Variants in CELF2 observed in about 807,000 individuals in gnomAD.
The protein encoded by CELF2 is CUGBP Elav-like family member 2, also known as CUG triplet repeat RNA-binding protein 2.
A neutral mutation model predicts 62.6 loss-of-function variants in CELF2; 8 were observed. The ratio of observed to expected loss-of-function variants is 0.13; its 90% confidence interval spans 0.07 to 0.23. The LOEUF is 0.23. CELF2 is among the 10% of genes least tolerant of loss of function. The pLI is 1.00. For missense variants in CELF2, 333 were observed against 671.0 expected, an observed-to-expected ratio of 0.50 and a Z score of 5.56; for synonymous variants, 258 against 250.0, an observed-to-expected ratio of 1.03 and a Z score of -0.30.
the CELF2 span, among the ~76,000 whole-genome samples, chr10:10,467,215 A>T: frequency 0.33 from 50,706 of 151,938 alleles, 9,107 homozygotes; most frequent in Admixed American, 0.42. Flanking sequence ...TTATAATTTC[A>T]GTGTTCACAC....
the CELF2 span, among the ~76,000 whole-genome samples, chr10:10,664,326 GT>G: frequency 6.6e-6 from 1 of 152,126 alleles, no homozygotes; most frequent in Non-Finnish European, 1.5e-5. Context: ...CAGGGCTCAA[GT>G]TTTTAAAAAT....
At chr10:10,534,564 A>G in the CELF2 span, among the ~76,000 whole-genome samples, 1 of 152,248 alleles carries the variant, frequency 6.6e-6, no homozygotes, top group African/African-American at 2.4e-5. Context: ...AAATCTTATG[A>G]TGGCTTACTA....
At chr10:10,647,427 A>G in the CELF2 span, among the ~76,000 whole-genome samples, 1 of 152,220 alleles carries the variant, frequency 6.6e-6, no homozygotes, top group Non-Finnish European at 1.5e-5. Flanking sequence ...ATGAAAGACA[A>G]TTTGCAAATG....
In CELF2 at chr10:11,300,919, G is replaced by A. The variant is rs547139137; in HGVS notation, c.976+12367G>A. 3.9e-5 allele frequency among the ~76,000 whole-genome samples: 6 copies of A among 152,320 alleles called. No individual in the cohort carries two copies. In the South Asian group the frequency reaches 6.2e-4, roughly 16 times the overall value. On this transcript the variant is annotated intron_variant, in intron 9 of 12. Coordinates refer to ENST00000633077, the MANE Select transcript of CELF2 (RefSeq NM_001326342.2). The surrounding 1 kb of genome is among the most constrained non-coding windows in gnomAD (Gnocchi z 5.5). ...GTGGAAAGTGTTTAACGAGGGCACC[G>A]AAGGCAAATTCTTGCTGTCTTCTGT... is the stretch of plus-strand genomic sequence containing the variant.
intron 8 of CELF2, among the ~76,000 whole-genome samples, chr10:11,277,558 C>T (rs2086625651): frequency 6.6e-6 from 1 of 152,194 alleles, no homozygotes; most frequent in Non-Finnish European, 1.5e-5. Context: ...GATGAGTGAA[C>T]AGATTTCTAA....
At chr10:10,693,558 A>G in the CELF2 span, among the ~76,000 whole-genome samples, 199 of 150,478 alleles carry the variant, frequency 1.3e-3, 1 homozygote, top group Non-Finnish European at 2.5e-3. Flanking sequence ...CTCTTTTTCT[A>G]TTGATTGGAA....
chr10:10,478,513 A>G, the CELF2 span, among the ~76,000 whole-genome samples: 2 of 152,212 alleles, frequency 1.3e-5, no homozygotes, highest in East Asian at 1.9e-4. Context: ...AAAATCAGTA[A>G]TACACGATAA....
chr10:10,477,862 G>A, the CELF2 span, among the ~76,000 whole-genome samples: 1 of 151,824 alleles, frequency 6.6e-6, no homozygotes, highest in Admixed American at 6.6e-5. Flanking sequence ...AAACAATGTA[G>A]CATAGGAATC....
At chr10:10,583,751 A>G in the CELF2 span, among the ~76,000 whole-genome samples, 1 of 152,186 alleles carries the variant, frequency 6.6e-6, no homozygotes, top group Non-Finnish European at 1.5e-5. Context: ...TCACACACCC[A>G]AAGTCAGAAA....
chr10:10,672,410 T>C, the CELF2 span, among the ~76,000 whole-genome samples: 1 of 152,166 alleles, frequency 6.6e-6, no homozygotes, highest in South Asian at 2.1e-4. Flanking sequence ...AGGAGTTTTA[T>C]AATTTTGCAT....
At chr10:10,817,833 G>T (rs2131887845) in intron 1 of CELF2, among the ~76,000 whole-genome samples, 1 of 152,248 alleles carries the variant, frequency 6.6e-6, no homozygotes, top group Middle Eastern at 3.4e-3. Context: ...CTGAACTTTT[G>T]CTCCCTTACT....
chr10:11,139,078 A>G (rs2060886043), intron 1 of CELF2, among the ~76,000 whole-genome samples: 1 of 152,262 alleles, frequency 6.6e-6, no homozygotes, highest in Admixed American at 6.5e-5. Context: ...TTAAGTCATG[A>G]AAGTGAATTA....
chr10:10,953,663 A>G (rs2048561851), intron 2 of CELF2, among the ~76,000 whole-genome samples: 1 of 152,198 alleles, frequency 6.6e-6, no homozygotes, highest in Non-Finnish European at 1.5e-5. Flanking sequence ...GAACCATGGG[A>G]GAATTCTTTC....
intron 1 of CELF2, among the ~76,000 whole-genome samples, chr10:10,912,653 C>T (rs775753935): frequency 6.6e-6 from 1 of 152,214 alleles, no homozygotes; most frequent in Non-Finnish European, 1.5e-5. Context: ...CAGGCGTGTG[C>T]CAGTGCGCCC....
chr10:10,916,899 C>A (rs1454696118), intron 1 of CELF2, among the ~76,000 whole-genome samples: 2 of 151,834 alleles, frequency 1.3e-5, no homozygotes, highest in Non-Finnish European at 2.9e-5. Context: ...AGTCATGAGT[C>A]ACTGCACCCA....
chr10:10,935,169 C>T (rs2066492284), intron 2 of CELF2: 2 of 152,224 alleles, frequency 1.3e-5, no homozygotes, highest in African/African-American at 2.4e-5. Flanking sequence ...GCCTTTCACA[C>T]CTTGGCCTGG....
chr10:10,506,670 A>ATT, the CELF2 span, among the ~76,000 whole-genome samples: 11,835 of 63,444 alleles, frequency 0.19, 3,353 homozygotes, highest in South Asian at 0.21. Flanking sequence ...CCTCCTGTGA[A>ATT]TTTTTTTTTT....
the CELF2 span, among the ~76,000 whole-genome samples, chr10:10,677,680 G>C: frequency 2.5e-4 from 38 of 152,282 alleles, no homozygotes; most frequent in African/African-American, 7.9e-4. Context: ...CCAGTGGTTT[G>C]TTCTCTACAA....
intron 1 of CELF2, among the ~76,000 whole-genome samples, chr10:10,862,085 T>G (rs148696666): frequency 6.6e-6 from 1 of 152,176 alleles, no homozygotes; most frequent in Non-Finnish European, 1.5e-5. Flanking sequence ...TTAGAAATAT[T>G]AATGTATCAT....
Sources: gnomAD v4.1 joint callset for allele counts (sites outside exome capture counted in the v4.1 genomes callset) on GRCh38, gnomAD v4.1.1 for gene constraint, Gnocchi (gnomAD v3.1) non-coding constraint, MANE v1.5 for transcripts, NCBI Gene and HGNC (gene_info 2026-07-23, HGNC 2026-07-21) for gene names.